PTPRG: variants seen among roughly 807,000 people sequenced by gnomAD.
The protein encoded by PTPRG is receptor-type tyrosine-protein phosphatase gamma.
A neutral mutation model predicts 165.3 loss-of-function variants in PTPRG; 102 were observed. The ratio of observed to expected loss-of-function variants is 0.62; its 90% CI spans 0.53 to 0.73. The LOEUF (loss-of-function observed/expected upper bound fraction) is 0.73, where lower values mean the gene tolerates loss of function less well. Among genes scored for constraint, PTPRG ranks in the 30% least tolerant of loss-of-function variants. PTPRG has a pLI of 0.00. For synonymous variants in PTPRG, 675 were observed against 669.5 expected (o/e 1.01, Z -0.13); for missense variants, 1,866 against 1,861.4 (o/e 1.00, Z -0.05).
chr3:62,012,084 A>G (rs1468835003), intron 4 of PTPRG, among the ~76,000 whole-genome samples: 1 of 152,150 alleles, frequency 6.6e-6, no homozygotes, highest in Non-Finnish European at 1.5e-5. Flanking sequence ...TGGTGTTGGT[A>G]GTGGTAATAG....
At chr3:61,882,376 CTA>C (rs2037911976) in intron 2 of PTPRG, among the ~76,000 whole-genome samples, 1 of 152,260 alleles carries the variant, frequency 6.6e-6, no homozygotes, top group East Asian at 1.9e-4. Flanking sequence ...GTCCCTGAAA[CTA>C]TACTGTTCTG....
intron 4 of PTPRG, among the ~76,000 whole-genome samples, chr3:62,040,775 G>T (rs368982330): frequency 6.6e-6 from 1 of 152,200 alleles, no homozygotes; most frequent in Admixed American, 6.5e-5. Flanking sequence ...TAGAGCACCG[G>T]AGTATAGGAG....
chr3:61,848,270 C>T (rs606506), intron 2 of PTPRG, among the ~76,000 whole-genome samples: 23,935 of 152,212 alleles, frequency 0.16, 1,903 homozygotes, highest in Middle Eastern at 0.18. Flanking sequence ...CACCTTCACG[C>T]GTGGTTGTGA....
At chr3:61,605,779 G>A (rs1226673489) in intron 1 of PTPRG, among the ~76,000 whole-genome samples, 1 of 152,074 alleles carries the variant, frequency 6.6e-6, no homozygotes, top group East Asian at 1.9e-4. Context: ...TTGCTACGTT[G>A]CCCAGGCTGG....
rs1700943308 is a variant in PTPRG at position 62,233,093 on chromosome 3, A to G, written c.2375+1782A>G. The stretch of plus-strand genomic sequence containing the variant: ...TGTGAAATATATTAACCCATTGAGA[A>G]GATGAGGAAATTCAGGCTCTGAGAA... On this transcript the variant is annotated intron_variant, in intron 14 of 29. Transcript: ENST00000474889. This position sits in a 1 kb window ranked among gnomAD's most constrained non-coding sequence, Gnocchi z 4.7. Among the ~76,000 whole-genome samples the G allele has an allele frequency of 6.6e-6, 1 of 152,170 alleles. No individual in the cohort carries two copies. The highest frequency in any genetic ancestry group is 1.5e-5 in the Non-Finnish European group (1 of 68,038).
intron 4 of PTPRG, among the ~76,000 whole-genome samples, chr3:62,009,283 G>A (rs2041363953): frequency 1.3e-5 from 2 of 152,158 alleles, no homozygotes; most frequent in Non-Finnish European, 2.9e-5. Flanking sequence ...CTGTGGGGTG[G>A]ATGTGTCCCA....
At chr3:61,952,088 A>G (rs1217802414) in intron 2 of PTPRG, among the ~76,000 whole-genome samples, 2 of 142,020 alleles carry the variant, frequency 1.4e-5, no homozygotes, top group African/African-American at 5.3e-5. Context: ...ACAGCACTGC[A>G]GCCTGGCGAC....
At chr3:62,104,767 A>T (rs553110280) in intron 5 of PTPRG, among the ~76,000 whole-genome samples, 2 of 152,294 alleles carry the variant, frequency 1.3e-5, no homozygotes, top group Admixed American at 6.5e-5. Context: ...TACTAGCGGG[A>T]ACAAAAGCTG....
At chr3:61,831,755 T>C (rs1299418692) in intron 2 of PTPRG, among the ~76,000 whole-genome samples, 2 of 152,206 alleles carry the variant, frequency 1.3e-5, no homozygotes, top group Admixed American at 1.3e-4. Context: ...TTCTGTCTTA[T>C]GGGTAAATGA....
intron 3 of PTPRG, among the ~76,000 whole-genome samples, chr3:62,001,271 A>G (rs2041166381): frequency 6.6e-6 from 1 of 152,282 alleles, no homozygotes; most frequent in South Asian, 2.1e-4. Flanking sequence ...AATGAGATTA[A>G]TGTTTCAGAT....
chr3:62,203,160 T>G lies in PTPRG; in HGVS notation c.1378-13T>G. On this transcript the variant is annotated splice_polypyrimidine_tract_variant and intron_variant, in intron 11 of 29. Transcript: ENST00000474889. This position sits in a 1 kb window ranked among gnomAD's most constrained non-coding sequence, Gnocchi z 6.4. Reference sequence around the variant, plus strand: ...CTGCCTCTTTTCCACCCTTGCCGGGTGACCCTTTCCAGCCCACAGCGTCTC... The same window carrying G: ...CTGCCTCTTTTCCACCCTTGCCGGGGGACCCTTTCCAGCCCACAGCGTCTC... 6.4e-7 allele frequency: 1 copy of G among 1,558,394 alleles called. No individual in the cohort carries two copies. Among genetic ancestry groups the G allele is most frequent in the Non-Finnish European group, 8.7e-7 (1 of 1,149,710 alleles).
At chr3:61,838,798 A>G (rs1315205506) in intron 2 of PTPRG, among the ~76,000 whole-genome samples, 1 of 152,176 alleles carries the variant, frequency 6.6e-6, no homozygotes, top group Non-Finnish European at 1.5e-5. Flanking sequence ...TAAAACTGTC[A>G]TTTGGAATTA....
intron 2 of PTPRG, among the ~76,000 whole-genome samples, chr3:61,791,216 T>C (rs2107127825): frequency 6.6e-6 from 1 of 152,346 alleles, no homozygotes; most frequent in African/African-American, 2.4e-5. Flanking sequence ...GAAACTGTCC[T>C]TTCTTAGTGG....
chr3:61,776,036 C>T (rs1474561938), intron 2 of PTPRG, among the ~76,000 whole-genome samples: 1 of 151,474 alleles, frequency 6.6e-6, no homozygotes, highest in African/African-American at 2.4e-5. Flanking sequence ...ATGTAACAAA[C>T]CTGCTCGTTG....
At chr3:61,671,757 C>A (rs1428872032) in intron 1 of PTPRG, among the ~76,000 whole-genome samples, 7 of 132,702 alleles carry the variant, frequency 5.3e-5, no homozygotes, top group African/African-American at 1.1e-4. Context: ...GGGCGGCTGG[C>A]CGGGCGGGGG....
intron 14 of PTPRG, among the ~76,000 whole-genome samples, chr3:62,243,055 G>A (rs961875095): frequency 5.3e-5 from 8 of 152,074 alleles, no homozygotes; most frequent in African/African-American, 1.9e-4. Context: ...CATTAGGGCC[G>A]CAATGAGCAG....
chr3:61,765,875 A>G (rs1439663264), intron 2 of PTPRG, among the ~76,000 whole-genome samples: 1 of 152,192 alleles, frequency 6.6e-6, no homozygotes, highest in Non-Finnish European at 1.5e-5. Flanking sequence ...CACAGAGCAG[A>G]TGGCTGTTTG....
chr3:61,668,312 A>G (rs1003459604), intron 1 of PTPRG, among the ~76,000 whole-genome samples: 5 of 151,730 alleles, frequency 3.3e-5, no homozygotes, highest in Non-Finnish European at 7.3e-5. Flanking sequence ...ACACCCCTCT[A>G]TCAGGCATTT....
chr3:62,071,067 T>A (rs1189652951), intron 4 of PTPRG, among the ~76,000 whole-genome samples: 1 of 152,230 alleles, frequency 6.6e-6, no homozygotes, highest in Non-Finnish European at 1.5e-5. Context: ...TGTTTACGTC[T>A]CATCTCCATC....
Sources: gnomAD v4.1 joint callset for allele counts (sites outside exome capture counted in the v4.1 genomes callset) on GRCh38, gnomAD v4.1.1 for gene constraint, Gnocchi (gnomAD v3.1) non-coding constraint, MANE v1.5 for transcripts, NCBI Gene and HGNC (gene_info 2026-07-23, HGNC 2026-07-21) for gene names.